The following CIMIP3 variants were observed in gnomAD, a reference collection of about 807,000 sequenced individuals.
CIMIP3 encodes GUCA1A neighbor.
chr6:42,161,582 A>G, the CIMIP3 span, among the ~76,000 whole-genome samples: 2 of 152,140 alleles, frequency 1.3e-5, no homozygotes, highest in African/African-American at 2.4e-5. Flanking sequence ...ATAAATGTCA[A>G]TGTGAGGCGC....
At chr6:42,163,166 G>T in the CIMIP3 span, 1,481 of 631,844 alleles carry the variant, frequency 2.3e-3, 13 homozygotes, top group African/African-American at 0.023. Flanking sequence ...GCCTACCTGT[G>T]GCTACCTGTA....
chr6:42,156,283 A>T, the CIMIP3 span, among the ~76,000 whole-genome samples: 5 of 149,870 alleles, frequency 3.3e-5, no homozygotes, highest in Non-Finnish European at 3.0e-5. Flanking sequence ...GGCGTGAGCC[A>T]CTGTGCTCAG....
At chr6:42,158,366 A>T in the CIMIP3 span, among the ~76,000 whole-genome samples, 1 of 151,748 alleles carries the variant, frequency 6.6e-6, no homozygotes. Flanking sequence ...CTCCTCTTCC[A>T]CCTCTTCCCC....
chr6:42,160,215 T>C, the CIMIP3 span, among the ~76,000 whole-genome samples: 94,994 of 151,838 alleles, frequency 0.63, 29,982 homozygotes, highest in South Asian at 0.7. Context: ...TCTTGAACTC[T>C]GGGCCTCAAG....
the CIMIP3 span, among the ~76,000 whole-genome samples, chr6:42,155,914 T>C: frequency 6.6e-6 from 1 of 152,250 alleles, no homozygotes; most frequent in Non-Finnish European, 1.5e-5. Context: ...GCTCTTGTTA[T>C]TCCCACATTA....
At chr6:42,156,079 C>T in the CIMIP3 span, among the ~76,000 whole-genome samples, 28 of 152,066 alleles carry the variant, frequency 1.8e-4, no homozygotes, top group East Asian at 1.9e-4. Flanking sequence ...GTGCAACCTC[C>T]GCCTCCTGTG....
chr6:42,156,312 T>C, the CIMIP3 span, among the ~76,000 whole-genome samples: 3 of 151,634 alleles, frequency 2.0e-5, no homozygotes, highest in East Asian at 3.9e-4. Context: ...TTTTCTTTTT[T>C]TTTTTTTTTT....
chr6:42,162,409 C>CT, the CIMIP3 span, among the ~76,000 whole-genome samples: 74,272 of 134,592 alleles, frequency 0.55, 20,789 homozygotes, highest in East Asian at 0.76. Flanking sequence ...GAGCGAAACT[C>CT]TTTTTTTTTT....
the CIMIP3 span, among the ~76,000 whole-genome samples, chr6:42,161,176 G>C: frequency 6.6e-6 from 1 of 152,086 alleles, no homozygotes; most frequent in African/African-American, 2.4e-5. Flanking sequence ...TAACAAGAGC[G>C]AAACTCCATC....
chr6:42,155,885 A>G, the CIMIP3 span, among the ~76,000 whole-genome samples: 25 of 152,374 alleles, frequency 1.6e-4, no homozygotes, highest in East Asian at 4.6e-3. Flanking sequence ...AAGTCCTCAC[A>G]TGAACCCTAT....
the CIMIP3 span, among the ~76,000 whole-genome samples, chr6:42,160,165 T>G: frequency 1.3e-5 from 2 of 151,584 alleles, no homozygotes; most frequent in Non-Finnish European, 2.9e-5. Flanking sequence ...TTTAATTTTT[T>G]TTTTATAGAG....
the CIMIP3 span, among the ~76,000 whole-genome samples, chr6:42,156,685 C>G: frequency 5.3e-5 from 8 of 152,218 alleles, no homozygotes; most frequent in Admixed American, 3.3e-4. Flanking sequence ...CCGTTCCCAG[C>G]ACTCATGGCA....
At chr6:42,158,112 T>C in the CIMIP3 span, among the ~76,000 whole-genome samples, 11 of 152,282 alleles carry the variant, frequency 7.2e-5, no homozygotes, top group East Asian at 1.9e-3. Flanking sequence ...TAAAGTCACA[T>C]ACACAGTGTG....
the CIMIP3 span, among the ~76,000 whole-genome samples, chr6:42,155,840 A>G: frequency 6.6e-6 from 1 of 152,188 alleles, no homozygotes; most frequent in Non-Finnish European, 1.5e-5. Flanking sequence ...TTGAGTGCTT[A>G]AGAGGTCTAG....
At chr6:42,156,748 G>A in the CIMIP3 span, among the ~76,000 whole-genome samples, 2 of 152,356 alleles carry the variant, frequency 1.3e-5, no homozygotes, top group Admixed American at 1.3e-4. Context: ...TTTTGCAGAT[G>A]AGGCCCCTGA....
the CIMIP3 span, among the ~76,000 whole-genome samples, chr6:42,159,023 A>T: frequency 0.5 from 75,389 of 151,988 alleles, 19,943 homozygotes; most frequent in Non-Finnish European, 0.59. Flanking sequence ...ATGCTTAGAC[A>T]CATCCTTAAC....
the CIMIP3 span, among the ~76,000 whole-genome samples, chr6:42,161,787 T>C: frequency 6.6e-6 from 1 of 152,138 alleles, no homozygotes; most frequent in African/African-American, 2.4e-5. Context: ...GTTCAATTGA[T>C]CCAGCATTTA....
At chr6:42,159,978 G>A in the CIMIP3 span, among the ~76,000 whole-genome samples, 1 of 152,100 alleles carries the variant, frequency 6.6e-6, no homozygotes, top group African/African-American at 2.4e-5. Flanking sequence ...ACAGACTGAA[G>A]TGGAAAAGAA....
chr6:42,157,547 C>A, the CIMIP3 span, among the ~76,000 whole-genome samples: 43 of 147,630 alleles, frequency 2.9e-4, no homozygotes, highest in Non-Finnish European at 4.5e-4. Flanking sequence ...ATGGTGCCGG[C>A]TCTTTTTTCT....
Sources: gnomAD v4.1 joint callset for allele counts (sites outside exome capture counted in the v4.1 genomes callset) on GRCh38, gnomAD v4.1.1 for gene constraint, MANE v1.5 for transcripts, NCBI Gene and HGNC (gene_info 2026-07-23, HGNC 2026-07-21) for gene names.